The following PGRMC2 variants were observed in gnomAD, a reference collection of about 807,000 sequenced individuals.
The protein encoded by PGRMC2 is progesterone receptor membrane component 2, also known as membrane-associated progesterone receptor component 2.
PGRMC2 carries 9 observed loss-of-function variants against 19.3 expected under a neutral mutation model. The ratio of observed to expected loss-of-function variants is 0.47; its 90% confidence interval spans 0.28 to 0.81. The LOEUF is 0.81. Among genes scored for constraint, PGRMC2 ranks in the 40% least tolerant of loss-of-function variants. The pLI, the probability that PGRMC2 is intolerant of heterozygous loss-of-function variation, is 0.11. For synonymous variants in PGRMC2, 157 were observed against 124.6 expected, an observed-to-expected ratio of 1.26 and a Z score of -1.73; for missense variants, 289 against 297.3, an observed-to-expected ratio of 0.97 and a Z score of 0.21.
Position 128,287,707 on chromosome 4 carries a change from T to C in PGRMC2, c.84A>G (p.Pro28=). The part of the protein sequence containing the change: ...ESSNDGGSES[P]GDAGAAAEGG... ...CTTCCGCTGCCGCTCCCGCGTCGCC[T>C]GGACTCTCGCTGCCGCCGTCGTTGC... The change falls in exon 1 of 3, where the codon CCA becomes CCG. Residue 28 remains proline (P), a synonymous_variant. Coordinates refer to ENST00000296425, the MANE Select transcript of PGRMC2 (RefSeq NM_006320.6). 1 of 1,513,762 alleles carries C rather than the reference T, an allele frequency of 6.6e-7. No individual in the cohort carries two copies. The highest frequency in any genetic ancestry group is 2.4e-5 in the East Asian group (1 of 41,156). 93.8% of individuals were successfully genotyped at this position (1,513,762 alleles called of 1,614,324 possible).
intron 1 of PGRMC2, among the ~76,000 whole-genome samples, chr4:128,280,533 C>A (rs557227787): frequency 1.3e-5 from 2 of 151,984 alleles, no homozygotes; most frequent in African/African-American, 4.8e-5. Context: ...TAAAGAGAAA[C>A]TACAAGCCGA....
In PGRMC2 at chr4:128,272,530, A is replaced by T; in HGVS notation, c.419-13T>A. The T allele has an allele frequency of 6.8e-7, 1 of 1,465,904 alleles. No individual in the cohort carries two copies. The highest frequency in any genetic ancestry group is 9.1e-7 in the Non-Finnish European group (1 of 1,104,684). 90.8% of individuals were successfully genotyped at this position (1,465,904 alleles called of 1,614,324 possible). A position where few individuals can be genotyped will look rare whatever the true frequency, so the allele number is the denominator to read the frequency against. ...CCATATGGACCCGCTGGAAAAAAGA[A>T]AATAAATTATTTAGATCACCTAACA... On this transcript the variant is annotated splice_polypyrimidine_tract_variant and intron_variant, in intron 1 of 2. Transcript: ENST00000296425.
chr4:128,276,870 C>A (rs1760822520), intron 1 of PGRMC2, among the ~76,000 whole-genome samples: 1 of 152,150 alleles, frequency 6.6e-6, no homozygotes, highest in South Asian at 2.1e-4. Context: ...TATTCAAGGA[C>A]ATCATTTTAA....
intron 1 of PGRMC2, among the ~76,000 whole-genome samples, chr4:128,285,596 A>C (rs1760971695): frequency 6.6e-6 from 1 of 152,250 alleles, no homozygotes; most frequent in South Asian, 2.1e-4. Flanking sequence ...CAGTTCAGAC[A>C]GGGTACAAAA....
chr4:128,284,986 T>C (rs1269235897), intron 1 of PGRMC2, among the ~76,000 whole-genome samples: 1 of 152,216 alleles, frequency 6.6e-6, no homozygotes, highest in Non-Finnish European at 1.5e-5. Flanking sequence ...TGTAGAATAC[T>C]AACTGTATAT....
intron 1 of PGRMC2, among the ~76,000 whole-genome samples, chr4:128,274,246 C>G (rs796415275): frequency 3.9e-5 from 6 of 152,216 alleles, no homozygotes; most frequent in African/African-American, 1.4e-4. Context: ...TTAACCAGGC[C>G]AGGTGCGGTG....
intron 1 of PGRMC2, among the ~76,000 whole-genome samples, chr4:128,274,596 A>G (rs1440610038): frequency 6.6e-6 from 1 of 152,010 alleles, no homozygotes; most frequent in African/African-American, 2.4e-5. Context: ...AATTCTACAC[A>G]CTTTGTGGCA....
chr4:128,287,259 G>A, intron 1 of PGRMC2, 114 bp downstream of exon 1: 1 of 1,258,752 alleles, frequency 7.9e-7, no homozygotes. Context: ...AGGCGCGGGG[G>A]TCCCGGAGAC....
At position 128,287,506 on chromosome 4, in the gene PGRMC2, CAG is replaced by C. The variant is rs1161029737; in HGVS notation, c.283_284del (p.Leu95AlafsTer54). ...GAGEESPATS[L>X]PRMKKRDFSL... The stretch of plus-strand genomic sequence containing the variant: ...TGAAGTCCCGCTTCTTCATGCGAGG[CAG>C]AGAGGTGGCGGGGCTCTCCTCGCCC... On this transcript the variant is annotated frameshift_variant, in exon 1 of 3. Transcript: ENST00000296425. LOFTEE classifies it high-confidence loss of function. 3 of 1,611,430 alleles carry C rather than the reference CAG, an allele frequency of 1.9e-6. No homozygotes were observed. Among genetic ancestry groups the C allele is most frequent in the Non-Finnish European group, 2.5e-6 (3 of 1,179,054 alleles).
intron 1 of PGRMC2, among the ~76,000 whole-genome samples, chr4:128,283,963 A>AT (rs987297034): frequency 3.5e-5 from 4 of 115,322 alleles, no homozygotes; most frequent in Non-Finnish European, 7.6e-5. Context: ...CCTGGCCTTT[A>AT]TTTTTTTATT....
intron 1 of PGRMC2, among the ~76,000 whole-genome samples, chr4:128,279,035 C>T (rs1760861181): frequency 1.3e-5 from 2 of 151,950 alleles, no homozygotes; most frequent in South Asian, 4.1e-4. Context: ...ATGGAGAAAC[C>T]CCGTCTCTAC....
chr4:128,273,673 T>C (rs993946748), intron 1 of PGRMC2, among the ~76,000 whole-genome samples: 1 of 152,208 alleles, frequency 6.6e-6, no homozygotes, highest in Non-Finnish European at 1.5e-5. Context: ...GAAATGATTA[T>C]ATTCATATAT....
chr4:128,275,854 T>C (rs962359899), intron 1 of PGRMC2, among the ~76,000 whole-genome samples: 1 of 152,114 alleles, frequency 6.6e-6, no homozygotes, highest in African/African-American at 2.4e-5. Flanking sequence ...ACCTCCCAAA[T>C]AGCTGGGACT....
Position 128,287,198 on chromosome 4 carries a change from G to C in PGRMC2, c.418+175C>G, listed in dbSNP as rs1012209574. ...AACTGGAGGTGCCCGTAGCTGCGGG[G>C]GGACGGTGTGTGTGTAGGGGCGGGA... On this transcript the variant is annotated intron_variant, in intron 1 of 2. Coordinates refer to ENST00000296425, the MANE Select transcript of PGRMC2 (RefSeq NM_006320.6). 10 of 596,902 alleles carry C rather than the reference G, an allele frequency of 1.7e-5. No individual in the cohort carries two copies. The African/African-American group carries it at 2.0e-4, about 12-fold the overall frequency. 37.0% of individuals were successfully genotyped at this position (596,902 alleles called of 1,614,324 possible).
At chr4:128,284,464 C>T (rs1041066071) in intron 1 of PGRMC2, among the ~76,000 whole-genome samples, 1 of 152,162 alleles carries the variant, frequency 6.6e-6, no homozygotes, top group African/African-American at 2.4e-5. Context: ...CATGACCAAA[C>T]TTTCCTCACC....
intron 1 of PGRMC2, among the ~76,000 whole-genome samples, chr4:128,282,975 T>C (rs1760930299): frequency 6.6e-6 from 1 of 152,096 alleles, no homozygotes; most frequent in African/African-American, 2.4e-5. Flanking sequence ...TTGGAAAAAA[T>C]ATAGCTTTGG....
At chr4:128,272,977 T>A (rs1395320916) in intron 1 of PGRMC2, 1 of 152,282 alleles carries the variant, frequency 6.6e-6, no homozygotes, top group African/African-American at 2.4e-5. Context: ...ATCTGTAACA[T>A]TTTTCTTTCT....
intron 1 of PGRMC2, 180 bp downstream of exon 1, chr4:128,287,193 G>T: frequency 1.7e-6 from 1 of 579,794 alleles, no homozygotes; most frequent in Non-Finnish European, 2.9e-6. Flanking sequence ...GCCCGTAGCT[G>T]CGGGGGGACG....
chr4:128,285,128 ATTTTT>A (rs1409581878), intron 1 of PGRMC2, among the ~76,000 whole-genome samples: 1 of 150,244 alleles, frequency 6.7e-6, no homozygotes, highest in African/African-American at 2.5e-5. Flanking sequence ...ATGACTCTTA[ATTTTT>A]AATTTTTTTT....
Sources: gnomAD v4.1 joint callset for allele counts (sites outside exome capture counted in the v4.1 genomes callset) on GRCh38, gnomAD v4.1.1 for gene constraint, MANE v1.5 for transcripts, NCBI Gene and HGNC (gene_info 2026-07-23, HGNC 2026-07-21) for gene names.